Variants in TASP1 observed in about 807,000 individuals in gnomAD.
TASP1 encodes the protein taspase 1, also known as threonine aspartase 1.
Under a neutral mutation model 56.6 loss-of-function variants are expected in TASP1, and 16 were observed. The ratio of observed to expected loss-of-function variants is 0.28; its 90% CI spans 0.19 to 0.43. TASP1 has a LOEUF of 0.43. Among genes scored for constraint, TASP1 ranks in the 20% least tolerant of loss-of-function variants. The probability of loss-of-function intolerance (pLI) is 1.00; values close to 1 mark genes in which losing one functional copy is unlikely to be tolerated. For missense variants in TASP1, 393 were observed against 511.6 expected, an observed-to-expected ratio of 0.77 and a Z score of 2.24; for synonymous variants, 179 against 184.2, an observed-to-expected ratio of 0.97 and a Z score of 0.23.
the TASP1 span, among the ~76,000 whole-genome samples, chr20:13,301,824 G>C: frequency 2.0e-5 from 3 of 152,070 alleles, no homozygotes; most frequent in East Asian, 3.9e-4. Context: ...TGGGTGATCA[G>C]GAGAGACAAA....
At chr20:13,569,630 C>T in intron 6 of TASP1, 44 bp from the exon 7 acceptor site, 1 of 1,507,136 alleles carries the variant, frequency 6.6e-7, no homozygotes, top group Non-Finnish European at 9.2e-7. Flanking sequence ...GTGTCATCTT[C>T]TCCTACATAT....
At chr20:13,125,461 C>T in the TASP1 span, among the ~76,000 whole-genome samples, 9 of 152,194 alleles carry the variant, frequency 5.9e-5, no homozygotes, top group Non-Finnish European at 2.9e-5. Flanking sequence ...CATGCTGCCT[C>T]CATTCGTTTT....
chr20:13,547,993 GAGA>G (rs1182748058), intron 8 of TASP1, among the ~76,000 whole-genome samples: 4 of 152,198 alleles, frequency 2.6e-5, no homozygotes, highest in East Asian at 1.9e-4. Flanking sequence ...CTTAAAGAGA[GAGA>G]AGAAGGAAGG....
chr20:13,604,659 A>G (rs1166876230), intron 4 of TASP1, among the ~76,000 whole-genome samples: 3 of 152,136 alleles, frequency 2.0e-5, no homozygotes, highest in Non-Finnish European at 4.4e-5. Context: ...CACCTTTCAC[A>G]CGGGTCATAA....
chr20:13,274,213 G>A, the TASP1 span, among the ~76,000 whole-genome samples: 4 of 152,136 alleles, frequency 2.6e-5, no homozygotes, highest in Admixed American at 6.5e-5. Context: ...TCTACAAGGA[G>A]GTGATGGTTT....
At chr20:13,575,423 G>A (rs984121363) in intron 6 of TASP1, among the ~76,000 whole-genome samples, 1 of 152,124 alleles carries the variant, frequency 6.6e-6, no homozygotes, top group Non-Finnish European at 1.5e-5. Context: ...TGCTGTTCTT[G>A]TGAGTAAATC....
At chr20:13,217,100 T>A in the TASP1 span, among the ~76,000 whole-genome samples, 1 of 152,196 alleles carries the variant, frequency 6.6e-6, no homozygotes, top group Admixed American at 6.5e-5. Context: ...GTTTTAAAGC[T>A]CAGATTCAAT....
At chr20:13,234,020 C>A in the TASP1 span, among the ~76,000 whole-genome samples, 197 of 152,186 alleles carry the variant, frequency 1.3e-3, 3 homozygotes, top group African/African-American at 4.6e-3. Flanking sequence ...TTCTTAGGTG[C>A]GTATATTGTG....
chr20:13,618,973 C>G (rs571983784), intron 4 of TASP1, among the ~76,000 whole-genome samples: 1 of 152,006 alleles, frequency 6.6e-6, no homozygotes, highest in Admixed American at 6.6e-5. Context: ...GGTCCTGGTT[C>G]AAGTAATTCT....
the TASP1 span, among the ~76,000 whole-genome samples, chr20:13,281,020 G>A: frequency 6.6e-6 from 1 of 152,198 alleles, no homozygotes; most frequent in Non-Finnish European, 1.5e-5. Context: ...TTTTTCAACA[G>A]ATAGACCAAT....
the TASP1 span, among the ~76,000 whole-genome samples, chr20:13,272,017 G>A: frequency 2.0e-5 from 3 of 152,076 alleles, no homozygotes; most frequent in South Asian, 4.2e-4. Flanking sequence ...GGGCTCAAGC[G>A]ATCCCCCTGC....
the TASP1 span, among the ~76,000 whole-genome samples, chr20:13,192,565 C>A: frequency 1.6e-4 from 25 of 152,110 alleles, no homozygotes; most frequent in Middle Eastern, 3.4e-3. Flanking sequence ...CACAGGCACA[C>A]ATGACACACA....
At chr20:13,322,459 T>G in the TASP1 span, among the ~76,000 whole-genome samples, 1 of 152,194 alleles carries the variant, frequency 6.6e-6, no homozygotes, top group African/African-American at 2.4e-5. Context: ...CAGCTGACCA[T>G]ATTGCAAACA....
At chr20:13,578,217 T>A (rs2046997191) in intron 6 of TASP1, among the ~76,000 whole-genome samples, 1 of 152,122 alleles carries the variant, frequency 6.6e-6, no homozygotes, top group Non-Finnish European at 1.5e-5. Context: ...TTTTTTTTTT[T>A]ACTAACAATT....
the TASP1 span, among the ~76,000 whole-genome samples, chr20:13,221,270 TCTCCTC>T: frequency 8.9e-5 from 7 of 78,580 alleles, no homozygotes; most frequent in Admixed American, 1.3e-4. Context: ...TCCTTCTCCT[TCTCCTC>T]CTCCTCCTCC....
intron 10 of TASP1, among the ~76,000 whole-genome samples, chr20:13,516,676 T>C: frequency 6.6e-6 from 1 of 151,486 alleles, no homozygotes; most frequent in African/African-American, 2.4e-5. Flanking sequence ...TTTTTTTTTT[T>C]TTTAACATTT....
intron 11 of TASP1, among the ~76,000 whole-genome samples, chr20:13,452,367 C>G (rs1379290266): frequency 6.6e-6 from 1 of 150,858 alleles, no homozygotes; most frequent in Non-Finnish European, 1.5e-5. Context: ...TACTAAATAC[C>G]TGCTCTGTAC....
chr20:13,141,339 G>A, the TASP1 span, among the ~76,000 whole-genome samples: 1 of 152,174 alleles, frequency 6.6e-6, no homozygotes, highest in Non-Finnish European at 1.5e-5. Flanking sequence ...CTCTAGGGAA[G>A]AGGGAATGAA....
downstream of TASP1, among the ~76,000 whole-genome samples, chr20:13,387,183 C>CTTTTTTTTTTTT (rs1568732036): frequency 1.1e-5 from 1 of 94,948 alleles, no homozygotes; most frequent in African/African-American, 5.1e-5. Context: ...GACATGATTT[C>CTTTTTTTTTTTT]ATTTTTTTTT....
Sources: gnomAD v4.1 joint callset for allele counts (sites outside exome capture counted in the v4.1 genomes callset) on GRCh38, gnomAD v4.1.1 for gene constraint, MANE v1.5 for transcripts, NCBI Gene and HGNC (gene_info 2026-07-23, HGNC 2026-07-21) for gene names.